Variants in TBC1D24 observed in about 807,000 individuals in gnomAD.
TBC1D24 encodes the protein Infantile myoclonic epilepsy.
Under a neutral mutation model 50.7 loss-of-function variants are expected in TBC1D24, and 47 were observed. That is an observed-to-expected ratio of 0.93 (90% CI 0.73 to 1.18). The LOEUF is 1.18. Among genes scored for constraint, TBC1D24 ranks in the 50% most tolerant of loss-of-function variants. The probability of loss-of-function intolerance (pLI) is 0.00; values close to 1 mark genes in which losing one functional copy is unlikely to be tolerated. For missense variants in TBC1D24, 688 were observed against 766.5 expected, an observed-to-expected ratio of 0.90 and a Z score of 1.21; for synonymous variants, 324 against 335.2, an observed-to-expected ratio of 0.97 and a Z score of 0.36.
In TBC1D24 at chr16:2,475,851, C is replaced by G. The variant is rs550667260; in HGVS notation, c.-116+681C>G. On this transcript the variant is annotated intron_variant, in intron 1 of 7. Transcript: ENST00000646147. This position sits in a 1 kb window ranked among gnomAD's most constrained non-coding sequence, Gnocchi z 4.2. The stretch of plus-strand genomic sequence containing the variant: ...CCCGCCCCCTCCAGGCGGGAGTCCC[C>G]GCGGCCTGGCCACAGGCCTTCTTTG... Among the ~76,000 whole-genome samples, 3 of 152,364 alleles carry G rather than the reference C, an allele frequency of 2.0e-5. No individual in the cohort carries two copies. Among genetic ancestry groups the G allele is most frequent in the Admixed American group, 1.3e-4 (2 of 15,312 alleles).
chr16:2,476,012 G>A (rs2065565255), intron 1 of TBC1D24, among the ~76,000 whole-genome samples: 1 of 152,260 alleles, frequency 6.6e-6, no homozygotes, highest in Admixed American at 6.5e-5. Flanking sequence ...TGGTGGCTGT[G>A]GTTGTGAAGC....
At position 2,495,039 on chromosome 16, in the gene TBC1D24, AAAT is replaced by A. The variant is rs566155674; in HGVS notation, c.-115-977_-115-975del. On this transcript the variant is annotated intron_variant, in intron 1 of 7. Coordinates refer to ENST00000646147, the MANE Select transcript of TBC1D24 (RefSeq NM_001199107.2). ...ACACACACACACACACACACAAAAT[AAAT>A]AATAATAATAATAATAAACAAAAAA... 9.9e-3 allele frequency among the ~76,000 whole-genome samples: 1,475 copies of A among 149,012 alleles called. 22 individuals carry two copies. The highest frequency in any genetic ancestry group is 0.036 in the African/African-American group (1,418 of 38,988).
At chr16:2,488,938 C>T (rs1418600033) in intron 1 of TBC1D24, among the ~76,000 whole-genome samples, 1 of 149,162 alleles carries the variant, frequency 6.7e-6, no homozygotes, top group Admixed American at 6.7e-5. Context: ...AGCGTGGTGG[C>T]GCGTGCCTGT....
Position 2,487,704 on chromosome 16 carries a change from T to C in TBC1D24, c.-115-8330T>C, listed in dbSNP as rs2065662068. 6.6e-6 allele frequency among the ~76,000 whole-genome samples: 1 copy of C among 151,960 alleles called. No individual in the cohort carries two copies. Among genetic ancestry groups the C allele is most frequent in the African/African-American group, 2.4e-5 (1 of 41,360 alleles). On this transcript the variant is annotated intron_variant, in intron 1 of 7. Transcript: ENST00000646147. This position sits in a 1 kb window ranked among gnomAD's most constrained non-coding sequence, Gnocchi z 4.1. Reference sequence around the variant, plus strand: ...GGTGCTGGAGTTTGGTGCTGGAGTTTGGTGTTGGAGTTTGGTGTTTGGGGA... The same window carrying C: ...GGTGCTGGAGTTTGGTGCTGGAGTTCGGTGTTGGAGTTTGGTGTTTGGGGA...
At position 2,486,797 on chromosome 16, in the gene TBC1D24, T is replaced by A. The variant is rs2065654171; in HGVS notation, c.-115-9237T>A. On this transcript the variant is annotated intron_variant, in intron 1 of 7. Transcript: ENST00000646147. The surrounding 1 kb of genome is among the most constrained non-coding windows in gnomAD (Gnocchi z 5.8). ...ACAGTGGAGCTTCCCTGGGCTGGAA[T>A]TCTCTGTTTGTCGCTCGCCCCCGCC... Among the ~76,000 whole-genome samples the A allele has an allele frequency of 6.6e-6, 1 of 152,208 alleles. No homozygotes were observed. The highest frequency in any genetic ancestry group is 1.5e-5 in the Non-Finnish European group (1 of 68,034).
Position 2,500,245 on chromosome 16 carries a change from C to T in TBC1D24, c.1303-23C>T, listed in dbSNP as rs529740046. 9.5e-6 allele frequency: 15 copies of T among 1,578,048 alleles called. No homozygotes were observed. In the South Asian group the frequency reaches 1.4e-4, roughly 15 times the overall value. ...GGCCTGCGAACGCCCGCGCCAGCTC[C>T]TCACACTCCCCTTCCACCCCAGCTG... On this transcript the variant is annotated intron_variant, in intron 6 of 7. Coordinates refer to ENST00000646147, the MANE Select transcript of TBC1D24 (RefSeq NM_001199107.2). The surrounding 1 kb of genome is among the most constrained non-coding windows in gnomAD (Gnocchi z 8.0).
At chr16:2,492,250 G>T (rs2065701464) in intron 1 of TBC1D24, among the ~76,000 whole-genome samples, 1 of 152,060 alleles carries the variant, frequency 6.6e-6, no homozygotes, top group South Asian at 2.1e-4. Context: ...AAGAATCCAA[G>T]GGCTCCCTCG....
chr16:2,489,696 C>G (rs934861139), intron 1 of TBC1D24, among the ~76,000 whole-genome samples: 2 of 152,186 alleles, frequency 1.3e-5, no homozygotes, highest in African/African-American at 4.8e-5. Context: ...CCTCCCTCTG[C>G]AGGACCGGCT....
At chr16:2,488,290 C>T (rs535527506) in intron 1 of TBC1D24, among the ~76,000 whole-genome samples, 2 of 152,216 alleles carry the variant, frequency 1.3e-5, no homozygotes, top group African/African-American at 4.8e-5. Context: ...AGGAACTGCC[C>T]TCCCTGGGAA....
At position 2,486,751 on chromosome 16, in the gene TBC1D24, G is replaced by A. The variant is rs150076751; in HGVS notation, c.-115-9283G>A. Reference sequence around the variant, plus strand: ...CATTTGCCTAAGAAGCATCTGTATCGAAACTGGCTTTGAAAACTTCACAGT... The same window carrying A: ...CATTTGCCTAAGAAGCATCTGTATCAAAACTGGCTTTGAAAACTTCACAGT... On this transcript the variant is annotated intron_variant, in intron 1 of 7. Coordinates refer to ENST00000646147, the MANE Select transcript of TBC1D24 (RefSeq NM_001199107.2). The surrounding 1 kb of genome is among the most constrained non-coding windows in gnomAD (Gnocchi z 5.8). Among the ~76,000 whole-genome samples, 19 of 152,322 alleles carry A rather than the reference G, an allele frequency of 1.2e-4. No individual in the cohort carries two copies. The highest frequency in any genetic ancestry group is 1.2e-3 in the Admixed American group (18 of 15,300).
rs7206425 is a variant in TBC1D24, at chr16:2,485,182, G to C, written c.-116+10012G>C. On this transcript the variant is annotated intron_variant, in intron 1 of 7. Transcript: ENST00000646147. This position sits in a 1 kb window ranked among gnomAD's most constrained non-coding sequence, Gnocchi z 4.6. ...AATCTCCGTGGTGCTCTTTCTGTGCGCTGGTGTTGACTGATAGCTTCCGGG... is the reference window on the plus strand; with the variant it reads ...AATCTCCGTGGTGCTCTTTCTGTGCCCTGGTGTTGACTGATAGCTTCCGGG... The C allele has an allele frequency of 6.6e-6, 1 of 152,174 alleles. No homozygotes were observed. The highest frequency in any genetic ancestry group is 2.4e-5 in the African/African-American group (1 of 41,392). The allele number at this position is 152,174 out of a possible 1,614,324, so 9.4% of individuals were successfully genotyped here.
At chr16:2,497,260 A>G (rs2065751940) in intron 2 of TBC1D24, 147 bp downstream of exon 2, 2 of 1,096,078 alleles carry the variant, frequency 1.8e-6, no homozygotes, top group Non-Finnish European at 2.7e-6. Context: ...AGACACTGAA[A>G]CAGGAAGGGC....
chr16:2,498,510 TG>T (rs2065763625), intron 4 of TBC1D24, 114 bp downstream of exon 4: 3 of 1,003,484 alleles, frequency 3.0e-6, no homozygotes, highest in Non-Finnish European at 4.4e-6. Flanking sequence ...TGCTTCTTCC[TG>T]TGGGGCCTAA....
At position 2,499,767 on chromosome 16, in the gene TBC1D24, A is replaced by C. The variant is rs2065774717; in HGVS notation, c.1207-68A>C. On this transcript the variant is annotated intron_variant, in intron 5 of 7. Transcript: ENST00000646147. This position sits in a 1 kb window ranked among gnomAD's most constrained non-coding sequence, Gnocchi z 4.0. Reference sequence around the variant, plus strand: ...ACCTGTGACCTGGGACAGGCCCGTCAGTAGTCTGGAGCACAGGGACGCTCC... The same window carrying C: ...ACCTGTGACCTGGGACAGGCCCGTCCGTAGTCTGGAGCACAGGGACGCTCC... 7.3e-7 allele frequency: 1 copy of C among 1,368,998 alleles called. No homozygotes were observed. The highest frequency in any genetic ancestry group is 1.0e-6 in the Non-Finnish European group (1 of 956,658). 84.8% of individuals were successfully genotyped at this position (1,368,998 alleles called of 1,614,324 possible). A position where few individuals can be genotyped will look rare whatever the true frequency, so the allele number is the denominator to read the frequency against.
Position 2,504,210 on chromosome 16 carries a change from C to CT in TBC1D24, c.*3255dup, listed in dbSNP as rs2065816230. On this transcript the variant is annotated 3_prime_UTR_variant, in exon 8 of 8. Coordinates refer to ENST00000646147, the MANE Select transcript of TBC1D24 (RefSeq NM_001199107.2). Reference sequence around the variant, plus strand: ...TATCCACTTTCTGAACCCATAAAGCCTTTGCAGTCTCCTTGAGTAGTTTAT... The same window carrying CT: ...TATCCACTTTCTGAACCCATAAAGCCTTTTGCAGTCTCCTTGAGTAGTTTAT... 6.6e-6 allele frequency: 1 copy of CT among 152,082 alleles called. No individual in the cohort carries two copies. Among genetic ancestry groups the CT allele is most frequent in the Non-Finnish European group, 1.5e-5 (1 of 68,030 alleles). 9.4% of individuals were successfully genotyped at this position (152,082 alleles called of 1,614,324 possible).
rs931398234 is a variant in TBC1D24, at chr16:2,487,620, G to A, written c.-115-8414G>A. Reference sequence around the variant, plus strand: ...GAGTTTGGTGCTGGAGTTTTGTGCTGGAGTTTGGTGTTGGAGTTTGGTGTT... The same window carrying A: ...GAGTTTGGTGCTGGAGTTTTGTGCTAGAGTTTGGTGTTGGAGTTTGGTGTT... On this transcript the variant is annotated intron_variant, in intron 1 of 7. Coordinates refer to ENST00000646147, the MANE Select transcript of TBC1D24 (RefSeq NM_001199107.2). The surrounding 1 kb of genome is among the most constrained non-coding windows in gnomAD (Gnocchi z 4.1). 6.7e-6 allele frequency among the ~76,000 whole-genome samples: 1 copy of A among 149,500 alleles called. No individual in the cohort carries two copies. Among genetic ancestry groups the A allele is most frequent in the African/African-American group, 2.4e-5 (1 of 41,242 alleles).
In TBC1D24 at chr16:2,503,481, T is replaced by C. The variant is rs1040539296; in HGVS notation, c.*2523T>C. ...CTCTGCCTATGAAGTAGCCATTCTT[T>C]GTTTAAAAAAAAAAAAAGCCAACAT... On this transcript the variant is annotated 3_prime_UTR_variant, in exon 8 of 8. Transcript: ENST00000646147. The C allele has an allele frequency of 2.6e-5, 4 of 151,012 alleles. No individual in the cohort carries two copies. Among genetic ancestry groups the C allele is most frequent in the African/African-American group, 9.8e-5 (4 of 40,844 alleles). The allele number at this position is 151,012 out of a possible 1,614,324, so 9.4% of individuals were successfully genotyped here. A position where few individuals can be genotyped will look rare whatever the true frequency, so the allele number is the denominator to read the frequency against.
intron 1 of TBC1D24, among the ~76,000 whole-genome samples, chr16:2,493,286 C>T (rs1439710776): frequency 6.6e-6 from 1 of 151,696 alleles, no homozygotes; most frequent in Non-Finnish European, 1.5e-5. Context: ...CTACAGGCTC[C>T]CGCAACCACG....
chr16:2,490,885 G>A (rs1162903930), intron 1 of TBC1D24, among the ~76,000 whole-genome samples: 1 of 152,190 alleles, frequency 6.6e-6, no homozygotes, highest in Non-Finnish European at 1.5e-5. Flanking sequence ...GGGGTTGGGG[G>A]ACTGCAGGGA....
Sources: allele counts gnomAD v4.1 joint callset (sites outside exome capture counted in the v4.1 genomes callset), GRCh38; gene constraint gnomAD v4.1.1; non-coding constraint Gnocchi (gnomAD v3.1); transcripts MANE v1.5; gene names NCBI Gene and HGNC (gene_info 2026-07-23, HGNC 2026-07-21).